Variants in METTL15 observed in about 807,000 individuals in gnomAD.
METTL15 encodes the protein methyltransferase 15, mitochondrial 12S rRNA N4-cytidine.
METTL15 carries 34 observed loss-of-function variants against 38.3 expected under a neutral mutation model. The ratio of observed to expected loss-of-function variants is 0.89; its 90% CI spans 0.68 to 1.18. The LOEUF (loss-of-function observed/expected upper bound fraction) is 1.18. Ranked by LOEUF, METTL15 falls within the 50% of genes most tolerant of loss-of-function variation. The pLI, the probability that METTL15 is intolerant of heterozygous loss-of-function variation, is 0.00. For synonymous variants in METTL15, 162 were observed against 170.9 expected (o/e 0.95, Z 0.41); for missense variants, 438 against 498.4 (o/e 0.88, Z 1.15).
rs192483409 is a variant in METTL15, at chr11:28,227,342, G to C, written c.407+16144G>C. Reference sequence around the variant, plus strand: ...ATTATTTAATTAAAATTGTGATCATGGCTATGAATGAGTAGCGTATGATCT... The same window carrying C: ...ATTATTTAATTAAAATTGTGATCATCGCTATGAATGAGTAGCGTATGATCT... On this transcript the variant is annotated intron_variant, in intron 4 of 6. Transcript: ENST00000407364. 1.1e-4 allele frequency among the ~76,000 whole-genome samples: 16 copies of C among 151,924 alleles called. No individual in the cohort carries two copies. The East Asian group carries it at 3.1e-3, about 29-fold the overall frequency.
intron 4 of METTL15, among the ~76,000 whole-genome samples, chr11:28,222,201 C>G (rs537848909): frequency 3.3e-5 from 5 of 152,162 alleles, no homozygotes; most frequent in African/African-American, 1.2e-4. Context: ...TGGGCTTCAC[C>G]CAGTTTGAGC....
At chr11:28,244,632 T>C (rs1049828561) in intron 4 of METTL15, among the ~76,000 whole-genome samples, 2 of 152,222 alleles carry the variant, frequency 1.3e-5, no homozygotes, top group African/African-American at 4.8e-5. Flanking sequence ...TGAGAACTAC[T>C]GTATCTATTA....
chr11:28,296,555 A>G (rs1856741830), intron 5 of METTL15, among the ~76,000 whole-genome samples, 198 bp from the exon 6 acceptor site: 1 of 152,158 alleles, frequency 6.6e-6, no homozygotes, highest in Admixed American at 6.6e-5. Context: ...GTTATAAACC[A>G]TCACCACTTG....
intron 3 of METTL15, among the ~76,000 whole-genome samples, chr11:28,199,032 T>A (rs547161233): frequency 1.3e-5 from 2 of 151,696 alleles, no homozygotes; most frequent in South Asian, 4.2e-4. Context: ...AGCTCATCCC[T>A]CTCTTAACAC....
intron 6 of METTL15, among the ~76,000 whole-genome samples, chr11:28,515,175 A>G (rs191571053): frequency 1.4e-4 from 22 of 152,344 alleles, no homozygotes; most frequent in Admixed American, 1.0e-3. Flanking sequence ...TGATTCTAGG[A>G]GCCAGAAAGG....
intron 5 of METTL15, among the ~76,000 whole-genome samples, chr11:28,422,777 T>C (rs1163959430): frequency 1.3e-5 from 2 of 152,038 alleles, no homozygotes; most frequent in Non-Finnish European, 2.9e-5. Flanking sequence ...CTTCAGAACC[T>C]TGACTAGGCA....
chr11:28,414,027 T>C (rs1850751334), intron 5 of METTL15, among the ~76,000 whole-genome samples: 1 of 152,144 alleles, frequency 6.6e-6, no homozygotes, highest in Admixed American at 6.6e-5. Flanking sequence ...AAAGTGGAAA[T>C]GACTTTAAGA....
chr11:28,186,434 A>T (rs1481826092), intron 3 of METTL15, among the ~76,000 whole-genome samples: 1 of 151,116 alleles, frequency 6.6e-6, no homozygotes, highest in Non-Finnish European at 1.5e-5. Context: ...ATTATTTATG[A>T]TTTGTTTGGA....
chr11:28,517,829 C>T (rs950419134), intron 6 of METTL15, among the ~76,000 whole-genome samples: 4 of 152,182 alleles, frequency 2.6e-5, no homozygotes, highest in Non-Finnish European at 5.9e-5. Flanking sequence ...TTTCTCAGCC[C>T]ACAAGTTTCA....
intron 6 of METTL15, among the ~76,000 whole-genome samples, chr11:28,311,057 G>C (rs1238983783): frequency 6.6e-6 from 1 of 151,450 alleles, no homozygotes; most frequent in South Asian, 2.1e-4. Flanking sequence ...TTCCCAAGTT[G>C]GGCATGGTCT....
intron 3 of METTL15, among the ~76,000 whole-genome samples, chr11:28,194,681 C>G (rs1217583468): frequency 2.0e-5 from 3 of 151,790 alleles, no homozygotes; most frequent in African/African-American, 7.3e-5. Flanking sequence ...TGACCACTGT[C>G]AGAAAGAAAG....
At chr11:28,203,008 G>A (rs1050636642) in intron 3 of METTL15, among the ~76,000 whole-genome samples, 1 of 151,998 alleles carries the variant, frequency 6.6e-6, no homozygotes, top group Admixed American at 6.6e-5. Context: ...TCTGCAAGAT[G>A]ATCTTGGGCA....
intron 6 of METTL15, among the ~76,000 whole-genome samples, chr11:28,507,479 G>A (rs375596406): frequency 3.9e-5 from 6 of 152,068 alleles, no homozygotes; most frequent in Admixed American, 3.9e-4. Flanking sequence ...CTTGGGCAGG[G>A]TAACAAATCC....
chr11:28,189,165 A>G (rs1173966066), intron 3 of METTL15, among the ~76,000 whole-genome samples: 2 of 151,384 alleles, frequency 1.3e-5, no homozygotes, highest in Non-Finnish European at 3.0e-5. Flanking sequence ...CCCACAGGAA[A>G]TATTAAATAG....
At chr11:28,422,339 C>T (rs1850827575) in intron 5 of METTL15, among the ~76,000 whole-genome samples, 1 of 151,800 alleles carries the variant, frequency 6.6e-6, no homozygotes, top group African/African-American at 2.4e-5. Context: ...AAAAAACAAT[C>T]CTAAAATTTA....
At chr11:28,128,539 C>G (rs1590769470) in intron 3 of METTL15, among the ~76,000 whole-genome samples, 1 of 152,128 alleles carries the variant, frequency 6.6e-6, no homozygotes, top group South Asian at 2.1e-4. Context: ...AGTTTTTCCT[C>G]AAAATAATTT....
chr11:28,242,100 A>T (rs1342407876), intron 4 of METTL15, among the ~76,000 whole-genome samples: 1 of 152,360 alleles, frequency 6.6e-6, no homozygotes, highest in South Asian at 2.1e-4. Context: ...TCTCTGTTTA[A>T]GATTAGAATA....
intron 5 of METTL15, among the ~76,000 whole-genome samples, chr11:28,293,560 A>C (rs541539614): frequency 2.0e-4 from 30 of 152,210 alleles, no homozygotes; most frequent in African/African-American, 6.5e-4. Context: ...GTTCCATATG[A>C]ACTTTAAAGT....
At chr11:28,308,792 T>C (rs1286767510) in intron 6 of METTL15, among the ~76,000 whole-genome samples, 1 of 152,106 alleles carries the variant, frequency 6.6e-6, no homozygotes, top group Non-Finnish European at 1.5e-5. Context: ...CCCCACTGTT[T>C]ACCATATGTG....
Sources: allele counts gnomAD v4.1 joint callset (sites outside exome capture counted in the v4.1 genomes callset), GRCh38; gene constraint gnomAD v4.1.1; transcripts MANE v1.5; gene names NCBI Gene and HGNC (gene_info 2026-07-23, HGNC 2026-07-21).